Variants in NF1 observed in about 807,000 individuals in gnomAD.
NF1 encodes neurofibromin.
A neutral mutation model predicts 325.7 loss-of-function variants in NF1; 122 were observed. The ratio of observed to expected loss-of-function variants is 0.37; its 90% CI spans 0.32 to 0.44. NF1 has a LOEUF of 0.44. NF1 is among the 20% of genes least tolerant of loss of function. NF1 has a pLI of 1.00. For missense variants in NF1, 2,140 were observed against 3,415.4 expected, an observed-to-expected ratio of 0.63 and a Z score of 9.31; for synonymous variants, 1,091 against 1,186.0, an observed-to-expected ratio of 0.92 and a Z score of 1.65.
rs1597681665 is a variant in NF1 at position 31,200,916 on chromosome 17, T to G, written c.1063-121T>G. ...AACCACAGTATGGGTGCTTTGTGCTTCTTCTGGCAGCTGGATTTTACTGCC... is the reference window on the plus strand; with the variant it reads ...AACCACAGTATGGGTGCTTTGTGCTGCTTCTGGCAGCTGGATTTTACTGCC... On this transcript the variant is annotated intron_variant, in intron 9 of 57. Coordinates refer to ENST00000358273, the MANE Select transcript of NF1 (RefSeq NM_001042492.3). 8.6e-6 allele frequency: 12 copies of G among 1,393,616 alleles called. No homozygotes were observed. The Admixed American group carries it at 1.2e-4, about 14-fold the overall frequency. 86.3% of individuals were successfully genotyped at this position (1,393,616 alleles called of 1,614,324 possible).
At position 31,130,769 on chromosome 17, in the gene NF1, G is replaced by A. The variant is rs146449118; in HGVS notation, c.61-25214G>A. 2.7e-3 allele frequency among the ~76,000 whole-genome samples: 406 copies of A among 152,330 alleles called. 2 individuals carry two copies. Among genetic ancestry groups the A allele is most frequent in the Middle Eastern group, 0.01 (3 of 294 alleles). On this transcript the variant is annotated intron_variant, in intron 1 of 57. Coordinates refer to ENST00000358273, the MANE Select transcript of NF1 (RefSeq NM_001042492.3). The stretch of plus-strand genomic sequence containing the variant: ...GAGGGTGCTTGCACGCATGTGTGCT[G>A]GCGGGGAAGGGAAAACAAGGTACAC...
intron 8 of NF1, among the ~76,000 whole-genome samples, chr17:31,194,797 T>C (rs2066405907): frequency 6.6e-6 from 1 of 152,170 alleles, no homozygotes; most frequent in African/African-American, 2.4e-5. Flanking sequence ...TCTTTACTTT[T>C]AGTATGTTCA....
rs2151555941 is a variant in NF1, at chr17:31,337,372, G to C, written c.6432G>C (p.Glu2144Asp). ...CTCSQLHFSE[E>D]TKQVLRLSLT... ...TGTTCCTTTATTCTCTTACAGAAGA[G>C]ACCAAGCAAGTTTTGAGACTCAGTC... Residue 2144 changes from glutamate (E) to aspartate (D), a missense_variant, in exon 43 of 58, where the codon GAG becomes GAC. Transcript: ENST00000358273. The C allele has an allele frequency of 1.9e-6, 3 of 1,612,834 alleles. No individual in the cohort carries two copies. Among genetic ancestry groups the C allele is most frequent in the Non-Finnish European group, 2.5e-6 (3 of 1,178,976 alleles).
At chr17:31,185,197 C>T (rs946539381) in intron 8 of NF1, among the ~76,000 whole-genome samples, 1 of 152,170 alleles carries the variant, frequency 6.6e-6, no homozygotes, top group Non-Finnish European at 1.5e-5. Flanking sequence ...CCCCAACACC[C>T]CTGTTTGCTT....
At chr17:31,095,499 A>G (rs1018017115) in intron 1 of NF1, 130 bp downstream of exon 1, 6 of 546,682 alleles carry the variant, frequency 1.1e-5, no homozygotes, top group African/African-American at 1.1e-4. Context: ...GGAAGGGAAG[A>G]GAAGGGAAGG....
chr17:31,285,265 T>G (rs1597780910), intron 36 of NF1, among the ~76,000 whole-genome samples: 3 of 120,108 alleles, frequency 2.5e-5, no homozygotes, highest in Non-Finnish European at 3.2e-5. Flanking sequence ...CAAGACAGAG[T>G]GAGATTCTGT....
At chr17:31,243,140 C>T (rs2067329271) in intron 29 of NF1, among the ~76,000 whole-genome samples, 1 of 150,586 alleles carries the variant, frequency 6.6e-6, no homozygotes, top group Non-Finnish European at 1.5e-5. Flanking sequence ...TTCTTCTCTT[C>T]CCTTACTTTC....
At chr17:31,286,410 G>A (rs146367924) in intron 36 of NF1, among the ~76,000 whole-genome samples, 1 of 152,098 alleles carries the variant, frequency 6.6e-6, no homozygotes, top group Non-Finnish European at 1.5e-5. Context: ...GTTTTAAAGA[G>A]ACTTTAGCTT....
At chr17:31,105,329 C>T (rs1409591520) in intron 1 of NF1, among the ~76,000 whole-genome samples, 14 of 152,168 alleles carry the variant, frequency 9.2e-5, no homozygotes. Context: ...CATATTCTTA[C>T]CATAAATGGT....
chr17:31,333,721 A>G (rs368805445), intron 39 of NF1, among the ~76,000 whole-genome samples: 1 of 152,168 alleles, frequency 6.6e-6, no homozygotes, highest in African/African-American at 2.4e-5. Context: ...GGTTCTAGAG[A>G]TGGATGGTGG....
At chr17:31,154,557 ATAAAAT>A (rs1427883744) in intron 1 of NF1, among the ~76,000 whole-genome samples, 2 of 152,124 alleles carry the variant, frequency 1.3e-5, no homozygotes, top group African/African-American at 2.4e-5. Context: ...ATTTGGCAAA[ATAAAAT>A]TAAAAAGGTT....
At position 31,336,864 on chromosome 17, in the gene NF1, T is replaced by C. The variant is rs1597843145; in HGVS notation, c.6377T>C (p.Val2126Ala). 3 of 1,613,310 alleles carry C rather than the reference T, an allele frequency of 1.9e-6. No homozygotes were observed. The highest frequency in any genetic ancestry group is 2.5e-6 in the Non-Finnish European group (3 of 1,180,004). Residue 2126 changes from valine to alanine, a missense_variant, in exon 42 of 58, where the codon GTC (valine) becomes GCC (alanine). By Grantham distance (64) the Val-to-Ala change is moderately conservative. This residue lies in a region of NF1 where 180 missense variants were observed against 435.1 expected (regional missense o/e 0.41). Coordinates refer to ENST00000358273, the MANE Select transcript of NF1 (RefSeq NM_001042492.3). The surrounding 1 kb of genome is among the most constrained non-coding windows in gnomAD (Gnocchi z 5.5). Reference sequence around the variant, plus strand: ...CTTAGAGCTTCCACACATGGACTGGTCATTAATATCATTCACTCTCTGTGT... The same window carrying C: ...CTTAGAGCTTCCACACATGGACTGGCCATTAATATCATTCACTCTCTGTGT... ...LSLRASTHGL[V>A]INIIHSLCTC...
At position 31,376,938 on chromosome 17, in the gene NF1, G is replaced by A; in HGVS notation, c.*2783G>A. 4.3e-6 allele frequency: 1 copy of A among 233,294 alleles called. No homozygotes were observed. Among genetic ancestry groups the A allele is most frequent in the East Asian group, 6.0e-5 (1 of 16,596 alleles). The allele number at this position is 233,294 out of a possible 1,614,324, so 14.5% of individuals were successfully genotyped here. A position where few individuals can be genotyped will look rare whatever the true frequency, so the allele number is the denominator to read the frequency against. ...ACACCTGTTCATGACTGAGCCAGGT[G>A]CCCAGGACACATCCTAAACAGTCAG... On this transcript the variant is annotated 3_prime_UTR_variant, in exon 58 of 58. Transcript: ENST00000358273.
At chr17:31,264,602 A>G (rs2067753542) in intron 35 of NF1, among the ~76,000 whole-genome samples, 1 of 152,178 alleles carries the variant, frequency 6.6e-6, no homozygotes, top group African/African-American at 2.4e-5. Context: ...GGGAAGAAGT[A>G]ATATTTGAAA....
intron 1 of NF1, among the ~76,000 whole-genome samples, chr17:31,096,594 C>T (rs1911742692): frequency 6.6e-6 from 1 of 151,980 alleles, no homozygotes; most frequent in Non-Finnish European, 1.5e-5. Flanking sequence ...TTGAGTCAAC[C>T]TATTTTGTTT....
chr17:31,162,898 C>T (rs1255882619), intron 3 of NF1, among the ~76,000 whole-genome samples: 3 of 151,958 alleles, frequency 2.0e-5, no homozygotes, highest in Non-Finnish European at 2.9e-5. Flanking sequence ...GGGAAGGGCT[C>T]GTTTGGTGAA....
chr17:31,360,633 G>C lies in NF1; in HGVS notation c.8307G>C (p.Gln2769His), dbSNP rs774806968. ...CTTACCCTCCTGCACTGCAGAGCCA[G>C]CTTAGTATCACTGCCAACCTTAACC... is the stretch of plus-strand genomic sequence containing the variant. ...TSPYPPALQS[Q>H]LSITANLNLS... is the part of the protein sequence containing the mutation. The change falls in exon 57 of 58, where the codon CAG becomes CAC. Residue 2769 changes from glutamine (Q) to histidine (H), a missense_variant. Gln to His is a conservative substitution (Grantham distance 24). Coordinates refer to ENST00000358273, the MANE Select transcript of NF1 (RefSeq NM_001042492.3). 6.2e-7 allele frequency: 1 copy of C among 1,614,104 alleles called. No individual in the cohort carries two copies. The highest frequency in any genetic ancestry group is 1.3e-5 in the African/African-American group (1 of 75,022).
Position 31,128,256 on chromosome 17 carries a change from G to T in NF1, c.61-27727G>T, listed in dbSNP as rs1282572268. Among the ~76,000 whole-genome samples the T allele has an allele frequency of 4.6e-5, 7 of 151,868 alleles. No individual in the cohort carries two copies. In the South Asian group the frequency reaches 1.2e-3, roughly 27 times the overall value. The stretch of plus-strand genomic sequence containing the variant: ...TGTGAGCCACTGCACCCAGCCCCAG[G>T]GTTGTTGCTTCTTTATTGAGCTTGT... On this transcript the variant is annotated intron_variant, in intron 1 of 57. Transcript: ENST00000358273.
chr17:31,295,436 T>TTG, intron 36 of NF1: 1 of 1,614,142 alleles, frequency 6.2e-7, no homozygotes, highest in Non-Finnish European at 8.5e-7. Flanking sequence ...TTTGGTCACT[T>TTG]TGGGTTGAGT....
Sources: allele counts gnomAD v4.1 joint callset (sites outside exome capture counted in the v4.1 genomes callset), GRCh38; gene constraint gnomAD v4.1.1; regional missense constraint gnomAD v4.1.1; non-coding constraint Gnocchi (gnomAD v3.1); transcripts MANE v1.5; gene names NCBI Gene and HGNC (gene_info 2026-07-23, HGNC 2026-07-21).